RAB24: variants seen among roughly 807,000 people sequenced by gnomAD.
RAB24 encodes the protein RAB24, member RAS oncogene family.
A neutral mutation model predicts 31.4 loss-of-function variants in RAB24; 9 were observed. That is an observed-to-expected ratio of 0.29 (90% CI 0.17 to 0.50). RAB24 has a LOEUF of 0.50. Among genes scored for constraint, RAB24 ranks in the 20% least tolerant of loss-of-function variants. The probability of loss-of-function intolerance (pLI) is 0.98; values close to 1 mark genes in which losing one functional copy is unlikely to be tolerated. For synonymous variants in RAB24, 106 were observed against 94.1 expected (o/e 1.13, Z -0.73); for missense variants, 197 against 265.2 (o/e 0.74, Z 1.79).
chr5:177,302,413 G>C lies in RAB24; in HGVS notation c.417C>G (p.Val139=). Residue 139 remains valine, a synonymous_variant, in exon 5 of 8, where the codon GTC becomes GTG. Transcript: ENST00000303251. ...RRRRRVDFHD[V]QDYADNIKAQ... ...AGCAGCTACTGTCTGCATAGTCCTG[G>C]ACGTCGTGGAAGTCCACACGTCGAC... 6.2e-7 allele frequency: 1 copy of C among 1,613,444 alleles called. No homozygotes were observed. Among genetic ancestry groups the C allele is most frequent in the South Asian group, 1.1e-5 (1 of 91,080 alleles).
chr5:177,303,532 G>T lies in RAB24; in HGVS notation c.-244C>A, dbSNP rs1429135121. ...TCCTTCGAAGACCCCAAGCCTCGGG[G>T]CGGCCTGGGAGCGCGCGGGACAGCG... On this transcript the variant is annotated 5_prime_UTR_variant, in exon 1 of 8. Coordinates refer to ENST00000303251, the MANE Select transcript of RAB24 (RefSeq NM_001031677.4). The surrounding 1 kb of genome is among the most constrained non-coding windows in gnomAD (Gnocchi z 6.1). 7 of 585,500 alleles carry T rather than the reference G, an allele frequency of 1.2e-5. No individual in the cohort carries two copies. The highest frequency in any genetic ancestry group is 2.1e-5 in the Non-Finnish European group (7 of 327,744). The allele number at this position is 585,500 out of a possible 1,614,324, so 36.3% of individuals were successfully genotyped here.
Position 177,303,111 on chromosome 5 carries a change from T to G in RAB24, c.118-34A>C. 6.2e-7 allele frequency: 1 copy of G among 1,613,636 alleles called. No individual in the cohort carries two copies. Among genetic ancestry groups the G allele is most frequent in the Non-Finnish European group, 8.5e-7 (1 of 1,179,884 alleles). On this transcript the variant is annotated intron_variant, in intron 1 of 7. Transcript: ENST00000303251. The surrounding 1 kb of genome is among the most constrained non-coding windows in gnomAD (Gnocchi z 6.1). Reference sequence around the variant, plus strand: ...AGAGGGAAGAGATCGGGGCCATAGGTGCAGATTACCGGCCCCCCACTCCCC... The same window carrying G: ...AGAGGGAAGAGATCGGGGCCATAGGGGCAGATTACCGGCCCCCCACTCCCC...
rs142119775 is a variant in RAB24, at chr5:177,301,742, C to G, written c.*1G>C. The G allele has an allele frequency of 1.2e-6, 2 of 1,614,176 alleles. No homozygotes were observed. Among genetic ancestry groups the G allele is most frequent in the African/African-American group, 2.7e-5 (2 of 75,044 alleles). ...TTCCCCCAGGCCAGGTGAGTGCTGA[C>G]TCAGTGATGACAACAGCTGTAGAAG... On this transcript the variant is annotated 3_prime_UTR_variant, in exon 8 of 8. Transcript: ENST00000303251.
Position 177,303,263 on chromosome 5 carries a change from T to C in RAB24, c.26A>G (p.Lys9Arg). 5.0e-6 allele frequency: 8 copies of C among 1,613,744 alleles called. No homozygotes were observed. The highest frequency in any genetic ancestry group is 5.9e-6 in the Non-Finnish European group (7 of 1,180,028). Residue 9 changes from lysine (K) to arginine (R), a missense_variant, in exon 1 of 8, where the codon AAG becomes AGG. Lys to Arg is a conservative substitution (Grantham distance 26, BLOSUM62 2). Coordinates refer to ENST00000303251, the MANE Select transcript of RAB24 (RefSeq NM_001031677.4). This position sits in a 1 kb window ranked among gnomAD's most constrained non-coding sequence, Gnocchi z 6.1. MSGQRVDV[K>R]VVMLGKEYVG... ...GTACTCCTTGCCCAGCATCACCACC[T>C]TGACGTCCACGCGCTGCCCGCTCAT...
chr5:177,303,716 A>G lies in RAB24; in HGVS notation c.-428T>C, dbSNP rs934528398. On this transcript the variant is annotated 5_prime_UTR_variant, in exon 1 of 8. Transcript: ENST00000303251. The surrounding 1 kb of genome is among the most constrained non-coding windows in gnomAD (Gnocchi z 6.1). ...GCCGCGACTCCCGCGGGAGGGGGCT[A>G]GAGGGCGAGGGGGCGGGGCCGCAAG... The G allele has an allele frequency of 1.1e-5, 4 of 366,958 alleles. No individual in the cohort carries two copies. Among genetic ancestry groups the G allele is most frequent in the African/African-American group, 4.3e-5 (2 of 46,350 alleles). The allele number at this position is 366,958 out of a possible 1,614,324, so 22.7% of individuals were successfully genotyped here. A position where few individuals can be genotyped will look rare whatever the true frequency, so the allele number is the denominator to read the frequency against.
rs376356136 is a variant in RAB24 at position 177,302,565 on chromosome 5, C to A, written c.333+12G>T. 9.3e-6 allele frequency: 15 copies of A among 1,614,156 alleles called. No homozygotes were observed. The highest frequency in any genetic ancestry group is 1.6e-4 in the Middle Eastern group (1 of 6,062). On this transcript the variant is annotated intron_variant, in intron 4 of 7. Coordinates refer to ENST00000303251, the MANE Select transcript of RAB24 (RefSeq NM_001031677.4). ...CCAGCCCCTAGTGTTCTAGTGAGGT[C>A]TGTTCACCTACCTCCTCTAGGCTGC...
At position 177,303,334 on chromosome 5, in the gene RAB24, G is replaced by A; in HGVS notation, c.-46C>T. The A allele has an allele frequency of 6.3e-7, 1 of 1,584,064 alleles. No homozygotes were observed. The highest frequency in any genetic ancestry group is 8.7e-7 in the Non-Finnish European group (1 of 1,154,780). ...CACGTCAGGGTCCTGAGCGGGGACGGGAGGCAAACCCCGATCTCCGCTCGG... is the reference window on the plus strand; with the variant it reads ...CACGTCAGGGTCCTGAGCGGGGACGAGAGGCAAACCCCGATCTCCGCTCGG... On this transcript the variant is annotated 5_prime_UTR_variant, in exon 1 of 8. Transcript: ENST00000303251. This position sits in a 1 kb window ranked among gnomAD's most constrained non-coding sequence, Gnocchi z 6.1.
chr5:177,302,520 C>A, intron 4 of RAB24, 24 bp from the exon 5 acceptor site: 1 of 1,614,020 alleles, frequency 6.2e-7, no homozygotes, highest in South Asian at 1.1e-5. Context: ...CAAGGGTCAC[C>A]TCCACAGGCC....
intron 5 of RAB24, 100 bp downstream of exon 5, chr5:177,302,297 C>T (rs1432380850): frequency 4.0e-5 from 63 of 1,560,576 alleles, no homozygotes; most frequent in Non-Finnish European, 5.6e-5. Flanking sequence ...GGAAGACCTC[C>T]TAGAGCACCT....
chr5:177,301,758 G>C lies in RAB24; in HGVS notation c.597C>G (p.Ser199Arg). 6.2e-7 allele frequency: 1 copy of C among 1,614,206 alleles called. No individual in the cohort carries two copies. The highest frequency in any genetic ancestry group is 8.5e-7 in the Non-Finnish European group (1 of 1,180,022). ...GAGTGCTGACTCAGTGATGACAACA[G>C]CTGTAGAAGTAGGGGTTTGGCTTCT... The part of the protein sequence containing the change: ...LGQKPNPYFY[S>R]CCHH Residue 199 changes from serine (S) to arginine (R), a missense_variant, in exon 8 of 8, where the codon AGC (serine) becomes AGG (arginine). By Grantham distance (110) the Ser-to-Arg change is moderately radical. Coordinates refer to ENST00000303251, the MANE Select transcript of RAB24 (RefSeq NM_001031677.4).
chr5:177,302,332 T>C (rs368105588), intron 5 of RAB24, 65 bp downstream of exon 5: 57 of 1,590,866 alleles, frequency 3.6e-5, no homozygotes, highest in Non-Finnish European at 4.4e-5. Context: ...AGGCAGTCCC[T>C]ATTTTCTTTG....
At position 177,302,461 on chromosome 5, in the gene RAB24, G is replaced by T. The variant is rs1261238854; in HGVS notation, c.369C>A (p.Asp123Glu). 6.2e-7 allele frequency: 1 copy of T among 1,613,848 alleles called. No homozygotes were observed. Among genetic ancestry groups the T allele is most frequent in the African/African-American group, 1.3e-5 (1 of 75,028 alleles). Residue 123 changes from aspartate (D) to glutamate (E), a missense_variant, in exon 5 of 8, where the codon GAC becomes GAA. This residue lies in a region of RAB24 where 148 missense variants were observed against 159.7 expected (regional missense o/e 0.93). Transcript: ENST00000303251. ...GACGCCTCCGGTCTTCTTCCAGCAG[G>T]TCACTCTTGGTGCCACATAAGTAGA... Reference protein sequence around the residue: ...CQIYLCGTKSDLLEEDRRRRR... With the variant: ...CQIYLCGTKSELLEEDRRRRR...
chr5:177,303,123 GC>G lies in RAB24; in HGVS notation c.118-47del. On this transcript the variant is annotated intron_variant, in intron 1 of 7. Coordinates refer to ENST00000303251, the MANE Select transcript of RAB24 (RefSeq NM_001031677.4). The surrounding 1 kb of genome is among the most constrained non-coding windows in gnomAD (Gnocchi z 6.1). ...TCGGGGCCATAGGTGCAGATTACCG[GC>G]CCCCCACTCCCCCGCCCACCGTGCC... The G allele has an allele frequency of 6.2e-7, 1 of 1,613,000 alleles. No homozygotes were observed. The highest frequency in any genetic ancestry group is 8.5e-7 in the Non-Finnish European group (1 of 1,179,462).
chr5:177,302,942 A>G, intron 2 of RAB24, 67 bp downstream of exon 2: 1 of 1,588,820 alleles, frequency 6.3e-7, no homozygotes, highest in Non-Finnish European at 8.6e-7. Context: ...CAAATCAACC[A>G]GTAATAGGCA....
At chr5:177,302,094 T>C (rs773781211) in intron 6 of RAB24, 34 bp downstream of exon 6, 39 of 1,613,468 alleles carry the variant, frequency 2.4e-5, no homozygotes, top group Non-Finnish European at 3.3e-5. Flanking sequence ...TGCCCCTGCA[T>C]GTTCCTGCTG....
rs369931012 is a variant in RAB24 at position 177,303,663 on chromosome 5, C to A, written c.-375G>T. 9 of 379,648 alleles carry A rather than the reference C, an allele frequency of 2.4e-5. No individual in the cohort carries two copies. The East Asian group carries it at 3.2e-4, about 14-fold the overall frequency. The allele number at this position is 379,648 out of a possible 1,614,324, so 23.5% of individuals were successfully genotyped here. A position where few individuals can be genotyped will look rare whatever the true frequency, so the allele number is the denominator to read the frequency against. On this transcript the variant is annotated 5_prime_UTR_variant, in exon 1 of 8. Transcript: ENST00000303251. The surrounding 1 kb of genome is among the most constrained non-coding windows in gnomAD (Gnocchi z 6.1). ...TGGGAATCCCAACCGAACCTGGGGT[C>A]TCCCGCAACCCGGCTCCTACCCGCA...
Position 177,303,021 on chromosome 5 carries a change from T to C in RAB24, c.174A>G (p.Thr58=), listed in dbSNP as rs1282259081. 2.5e-6 allele frequency: 4 copies of C among 1,614,054 alleles called. No individual in the cohort carries two copies. In the South Asian group the frequency reaches 3.3e-5, roughly 13 times the overall value. ...CCGGGGGACTTACCCAAATACCTAATGTCACAGTCCGGTCTCCGACCGACA... is the reference window on the plus strand; with the variant it reads ...CCGGGGGACTTACCCAAATACCTAACGTCACAGTCCGGTCTCCGACCGACA... The part of the protein sequence containing the change: ...KVMSVGDRTV[T]LGIWDTAGSE... Residue 58 remains threonine, a synonymous_variant, in exon 2 of 8, where the codon ACA becomes ACG. Coordinates refer to ENST00000303251, the MANE Select transcript of RAB24 (RefSeq NM_001031677.4). The surrounding 1 kb of genome is among the most constrained non-coding windows in gnomAD (Gnocchi z 6.1).
chr5:177,301,494 C>G lies in RAB24; in HGVS notation c.*249G>C, dbSNP rs1240801467. On this transcript the variant is annotated 3_prime_UTR_variant, in exon 8 of 8. Coordinates refer to ENST00000303251, the MANE Select transcript of RAB24 (RefSeq NM_001031677.4). The stretch of plus-strand genomic sequence containing the variant: ...GATTTTATTTACAGATCAAAAGCCA[C>G]TTAAATAATCTGCAGACACAAGTGC... The G allele has an allele frequency of 5.3e-6, 3 of 562,826 alleles. No homozygotes were observed. The highest frequency in any genetic ancestry group is 9.5e-6 in the Non-Finnish European group (3 of 314,416). The allele number at this position is 562,826 out of a possible 1,614,324, so 34.9% of individuals were successfully genotyped here. A position where few individuals can be genotyped will look rare whatever the true frequency, so the allele number is the denominator to read the frequency against.
At position 177,303,087 on chromosome 5, in the gene RAB24, G is replaced by A. The variant is rs776937539; in HGVS notation, c.118-10C>T. On this transcript the variant is annotated splice_polypyrimidine_tract_variant and intron_variant, in intron 1 of 7. Transcript: ENST00000303251. The surrounding 1 kb of genome is among the most constrained non-coding windows in gnomAD (Gnocchi z 6.1). Reference sequence around the variant, plus strand: ...AGGCGGCCCCGATGGTCTGCAACGAGAGGGAAGAGATCGGGGCCATAGGTG... The same window carrying A: ...AGGCGGCCCCGATGGTCTGCAACGAAAGGGAAGAGATCGGGGCCATAGGTG... The A allele has an allele frequency of 6.2e-7, 1 of 1,614,056 alleles. No homozygotes were observed. The highest frequency in any genetic ancestry group is 8.5e-7 in the Non-Finnish European group (1 of 1,180,014).
Sources: allele counts gnomAD v4.1 joint callset, GRCh38; gene constraint gnomAD v4.1.1; regional missense constraint gnomAD v4.1.1; non-coding constraint Gnocchi (gnomAD v3.1); transcripts MANE v1.5; gene names NCBI Gene and HGNC (gene_info 2026-07-23, HGNC 2026-07-21).